Variants in MNAT1 observed in about 807,000 individuals in gnomAD.
The protein encoded by MNAT1 is CDK-activating kinase assembly factor MAT1.
In MNAT1, 43 loss-of-function variants were observed where a neutral mutation model predicts 42.0. The ratio of observed to expected loss-of-function variants is 1.02; its 90% CI spans 0.80 to 1.32. MNAT1 has a LOEUF of 1.32. MNAT1 is among the 40% of genes most tolerant of loss of function. The pLI, the probability that MNAT1 is intolerant of heterozygous loss-of-function variation, is 0.00. For synonymous variants in MNAT1, 118 were observed against 120.0 expected, an observed-to-expected ratio of 0.98 and a Z score of 0.11; for missense variants, 306 against 350.4, an observed-to-expected ratio of 0.87 and a Z score of 1.01.
intron 1 of MNAT1, among the ~76,000 whole-genome samples, chr14:60,777,674 T>C (rs1013425027): frequency 2.0e-5 from 3 of 152,176 alleles, no homozygotes; most frequent in Admixed American, 6.5e-5. Context: ...GAAAAGATTA[T>C]AATAAATATT....
At chr14:60,952,581 C>T (rs902220268) in intron 7 of MNAT1, among the ~76,000 whole-genome samples, 5 of 152,062 alleles carry the variant, frequency 3.3e-5, no homozygotes, top group African/African-American at 9.7e-5. Context: ...AAAGAGCATT[C>T]CAAGATGACC....
At chr14:60,798,456 A>G (rs144724022) in intron 3 of MNAT1, among the ~76,000 whole-genome samples, 2 of 152,304 alleles carry the variant, frequency 1.3e-5, no homozygotes, top group Non-Finnish European at 2.9e-5. Context: ...ATAACATATT[A>G]GAGTAGTTTA....
intron 6 of MNAT1, among the ~76,000 whole-genome samples, chr14:60,824,414 A>T (rs2032992848): frequency 6.6e-6 from 1 of 152,216 alleles, no homozygotes; most frequent in African/African-American, 2.4e-5. Flanking sequence ...GATTGTGGCT[A>T]TGTAGGTACT....
intron 6 of MNAT1, among the ~76,000 whole-genome samples, chr14:60,823,555 C>A (rs563359715): frequency 2.6e-4 from 40 of 152,264 alleles, no homozygotes; most frequent in Non-Finnish European, 4.6e-4. Context: ...CCTTTTATAT[C>A]TAAGAAATCA....
rs774334245 is a variant in MNAT1 at position 60,737,851 on chromosome 14, C to CT, written c.89+2915dup. 9.5e-3 allele frequency among the ~76,000 whole-genome samples: 1,326 copies of CT among 140,282 alleles called. 4 individuals are homozygous for CT. Among genetic ancestry groups the CT allele is most frequent in the Non-Finnish European group, 0.012 (765 of 63,936 alleles). The allele number at this position is 140,282 out of a possible 152,430, so 92.0% of individuals were successfully genotyped here. ...TTGGACAACATAGGGAAACCCTATC[C>CT]TTTTTTTTTTTTTTTGAGAAGGAGT... On this transcript the variant is annotated intron_variant, in intron 1 of 7. Transcript: ENST00000261245.
intron 7 of MNAT1, among the ~76,000 whole-genome samples, chr14:60,938,934 T>C (rs1242673266): frequency 6.6e-6 from 1 of 152,198 alleles, no homozygotes; most frequent in Admixed American, 6.5e-5. Flanking sequence ...TATTCAGAGA[T>C]TCAACTTCTT....
intron 1 of MNAT1, among the ~76,000 whole-genome samples, chr14:60,794,238 A>G (rs2031926978): frequency 6.6e-6 from 1 of 152,154 alleles, no homozygotes; most frequent in Admixed American, 6.5e-5. Context: ...TCCTCTAACC[A>G]CAAAGAATAG....
intron 7 of MNAT1, among the ~76,000 whole-genome samples, chr14:60,909,887 G>A (rs1033467329): frequency 6.6e-6 from 1 of 151,802 alleles, no homozygotes; most frequent in Admixed American, 6.6e-5. Flanking sequence ...TGATGGGGAT[G>A]GCATTGAATC....
At chr14:60,918,067 C>T (rs773407222) in intron 7 of MNAT1, among the ~76,000 whole-genome samples, 1 of 151,816 alleles carries the variant, frequency 6.6e-6, no homozygotes, top group Non-Finnish European at 1.5e-5. Flanking sequence ...AAATTTAAAA[C>T]CTTTGAAAAC....
chr14:60,950,869 A>T (rs1347269447), intron 7 of MNAT1, among the ~76,000 whole-genome samples: 1 of 152,204 alleles, frequency 6.6e-6, no homozygotes, highest in African/African-American at 2.4e-5. Context: ...ATTTAGTTTT[A>T]AAAATTCTGT....
intron 6 of MNAT1, among the ~76,000 whole-genome samples, chr14:60,859,246 G>A (rs887444738): frequency 1.3e-5 from 2 of 152,188 alleles, no homozygotes; most frequent in African/African-American, 4.8e-5. Context: ...GACTATCTTG[G>A]TAGGTCTTGA....
chr14:60,818,593 G>T, intron 5 of MNAT1, 129 bp from the exon 6 acceptor site: 1 of 667,252 alleles, frequency 1.5e-6, no homozygotes, highest in Non-Finnish European at 2.2e-6. Flanking sequence ...TTTGTAAAGT[G>T]TCCTCCATAA....
intron 1 of MNAT1, among the ~76,000 whole-genome samples, chr14:60,735,862 G>A (rs1404957098): frequency 6.6e-6 from 1 of 152,206 alleles, no homozygotes; most frequent in Non-Finnish European, 1.5e-5. Flanking sequence ...ATGTAATGGC[G>A]AGCATATATT....
intron 1 of MNAT1, among the ~76,000 whole-genome samples, chr14:60,743,931 T>C (rs1359677139): frequency 6.6e-6 from 1 of 152,196 alleles, no homozygotes; most frequent in Non-Finnish European, 1.5e-5. Flanking sequence ...GTTTTCATTT[T>C]TATCTTTTTT....
intron 1 of MNAT1, among the ~76,000 whole-genome samples, chr14:60,748,785 T>C (rs543737514): frequency 8.5e-5 from 13 of 152,346 alleles, no homozygotes; most frequent in African/African-American, 3.1e-4. Flanking sequence ...ATGAACTTTT[T>C]TTTTTATTAG....
intron 7 of MNAT1, 191 bp downstream of exon 7, chr14:60,880,026 A>C: frequency 2.4e-6 from 1 of 412,740 alleles, no homozygotes; most frequent in Non-Finnish European, 4.1e-6. Context: ...AGGTCTCTTG[A>C]GATTGAGCCT....
intron 6 of MNAT1, among the ~76,000 whole-genome samples, chr14:60,877,078 A>G (rs373956228): frequency 6.6e-6 from 1 of 152,038 alleles, no homozygotes. Context: ...CAGTTTCTCT[A>G]TATCTTCACA....
chr14:60,870,042 A>G (rs1429572665), intron 6 of MNAT1, among the ~76,000 whole-genome samples: 3 of 152,206 alleles, frequency 2.0e-5, no homozygotes, highest in Non-Finnish European at 4.4e-5. Context: ...GTTAAATAAT[A>G]CATTTCAGAT....
intron 7 of MNAT1, among the ~76,000 whole-genome samples, chr14:60,904,508 A>C (rs143467478): frequency 6.6e-6 from 1 of 152,284 alleles, no homozygotes; most frequent in Non-Finnish European, 1.5e-5. Flanking sequence ...TTATGGAAAA[A>C]ATATGTTTCT....
Sources: allele counts gnomAD v4.1 joint callset (sites outside exome capture counted in the v4.1 genomes callset), GRCh38; gene constraint gnomAD v4.1.1; transcripts MANE v1.5; gene names NCBI Gene and HGNC (gene_info 2026-07-23, HGNC 2026-07-21).